ASB2: variants seen among roughly 807,000 people sequenced by gnomAD.
The protein encoded by ASB2 is ankyrin repeat and SOCS box containing 2, also known as ankyrin repeat and SOCS box protein 2.
In ASB2, 58 loss-of-function variants were observed where a neutral mutation model predicts 62.4. The ratio of observed to expected loss-of-function variants is 0.93; its 90% CI spans 0.75 to 1.16. ASB2 has a LOEUF of 1.16. Ranked by LOEUF, ASB2 falls within the 50% of genes most tolerant of loss-of-function variation. The pLI is 0.00. For missense variants in ASB2, 928 were observed against 887.9 expected (o/e 1.05, Z -0.57); for synonymous variants, 386 against 385.3 (o/e 1.00, Z -0.02).
rs1038697771 is a variant in ASB2, at chr14:93,942,479, T to C, written c.1053-2807A>G. Among the ~76,000 whole-genome samples, 4 of 152,350 alleles carry C rather than the reference T, an allele frequency of 2.6e-5. No homozygotes were observed. In the East Asian group the frequency reaches 5.8e-4, roughly 22 times the overall value. ...GACCTTGGACCTCATTCCGAATCAC[T>C]GGGCTCTTGTCTTGTTCCTAGGACC... On this transcript the variant is annotated intron_variant, in intron 7 of 9. Coordinates refer to ENST00000555019, the MANE Select transcript of ASB2 (RefSeq NM_001202429.2).
chr14:93,949,565 C>T (rs947328171), intron 6 of ASB2, among the ~76,000 whole-genome samples: 1 of 152,218 alleles, frequency 6.6e-6, no homozygotes, highest in African/African-American at 2.4e-5. Flanking sequence ...TGCCTCCGGC[C>T]TGAGGGAGAG....
chr14:93,937,256 G>T (rs545635300), intron 9 of ASB2, among the ~76,000 whole-genome samples: 2 of 152,090 alleles, frequency 1.3e-5, no homozygotes, highest in Non-Finnish European at 2.9e-5. Context: ...CCAGACCTGC[G>T]GAATCAGAAG....
At chr14:93,963,149 A>C (rs2141311798) in intron 2 of ASB2, among the ~76,000 whole-genome samples, 1 of 152,298 alleles carries the variant, frequency 6.6e-6, no homozygotes. Context: ...ATGCACCATC[A>C]CCCACCTTCA....
intron 2 of ASB2, among the ~76,000 whole-genome samples, chr14:93,958,091 C>A (rs1889286796): frequency 2.0e-5 from 3 of 152,150 alleles, no homozygotes; most frequent in African/African-American, 4.8e-5. Context: ...AGGAGGGGAA[C>A]CTGCTCACCC....
chr14:93,966,454 C>G (rs1215542475), intron 1 of ASB2, among the ~76,000 whole-genome samples: 1 of 152,224 alleles, frequency 6.6e-6, no homozygotes, highest in Non-Finnish European at 1.5e-5. Context: ...CAAAATGATT[C>G]CTTTCCCCAA....
intron 2 of ASB2, among the ~76,000 whole-genome samples, chr14:93,962,379 G>T (rs1889445356): frequency 1.3e-5 from 2 of 152,276 alleles, no homozygotes; most frequent in South Asian, 4.1e-4. Context: ...TATCTAAGGG[G>T]TTTTTCTTCC....
chr14:93,937,916 G>T, intron 8 of ASB2, 65 bp from the exon 9 acceptor site: 9 of 1,494,524 alleles, frequency 6.0e-6, no homozygotes, highest in Non-Finnish European at 8.2e-6. Context: ...TGCGGCCAGG[G>T]ACGGCAGCGG....
intron 2 of ASB2, 125 bp downstream of exon 2, chr14:93,964,209 G>A: frequency 1.2e-6 from 1 of 806,582 alleles, no homozygotes; most frequent in Non-Finnish European, 2.0e-6. Context: ...AAATGTAAAT[G>A]GGAAAGGTGT....
chr14:93,960,414 T>G (rs952040877), intron 2 of ASB2, among the ~76,000 whole-genome samples: 1 of 152,242 alleles, frequency 6.6e-6, no homozygotes, highest in Non-Finnish European at 1.5e-5. Context: ...GTGGCTTGAT[T>G]TGAATTGTTT....
chr14:93,947,663 C>CT (rs1888784235), intron 6 of ASB2, 143 bp from the exon 7 acceptor site: 3 of 749,352 alleles, frequency 4.0e-6, no homozygotes, highest in Non-Finnish European at 4.3e-6. Context: ...AAGGAGGAGT[C>CT]TACCTGGGGC....
At chr14:93,952,744 A>T (rs1055208435) in intron 5 of ASB2, among the ~76,000 whole-genome samples, 1 of 152,202 alleles carries the variant, frequency 6.6e-6, no homozygotes, top group Non-Finnish European at 1.5e-5. Context: ...GCAGATGGAC[A>T]TGAGGGGTCC....
At chr14:93,956,303 G>A (rs536314194) in intron 3 of ASB2, among the ~76,000 whole-genome samples, 1 of 152,366 alleles carries the variant, frequency 6.6e-6, no homozygotes, top group South Asian at 2.1e-4. Context: ...AACAAAGGCT[G>A]TGGGTGTGGG....
At chr14:93,940,992 G>GGGGTTTTGCAGTCTTCATAAT (rs1417253340) in intron 7 of ASB2, among the ~76,000 whole-genome samples, 1 of 152,158 alleles carries the variant, frequency 6.6e-6, no homozygotes, top group Non-Finnish European at 1.5e-5. Context: ...AATATATCCC[G>GGGGTTTTGCAGTCTTCATAAT]GGGTTTTGCA....
chr14:93,957,134 C>T (rs535591863), intron 2 of ASB2: 17 of 1,341,886 alleles, frequency 1.3e-5, no homozygotes, highest in African/African-American at 3.0e-5. Flanking sequence ...CCTCACCCCA[C>T]CCCCCGGTCC....
chr14:93,962,107 CTTTTTT>C (rs35800977), intron 2 of ASB2, among the ~76,000 whole-genome samples: 8 of 73,020 alleles, frequency 1.1e-4, no homozygotes, highest in Admixed American at 2.2e-4. Flanking sequence ...ATTAAACATT[CTTTTTT>C]TTTTTTTTTT....
intron 2 of ASB2, among the ~76,000 whole-genome samples, chr14:93,962,104 A>ATTATTTT (rs1889425579): frequency 9.3e-6 from 1 of 107,182 alleles, no homozygotes; most frequent in Admixed American, 1.0e-4. Context: ...TTCATTAAAC[A>ATTATTTT]TTCTTTTTTT....
chr14:93,959,342 G>A (rs1483287581), intron 2 of ASB2, among the ~76,000 whole-genome samples: 1 of 152,200 alleles, frequency 6.6e-6, no homozygotes, highest in Non-Finnish European at 1.5e-5. Context: ...CTCATTCTGG[G>A]AGCACTGAGA....
chr14:93,956,369 G>T lies in ASB2; in HGVS notation c.311+397C>A, dbSNP rs969772241. ...GGGGAAAGTGAGACTGGGACAAACA[G>T]AAGGGTGCAGCCAACTCATCAAGTT... On this transcript the variant is annotated intron_variant, in intron 3 of 9. Transcript: ENST00000555019. 8.5e-5 allele frequency among the ~76,000 whole-genome samples: 13 copies of T among 152,346 alleles called. No individual in the cohort carries two copies. The East Asian group carries it at 2.1e-3, about 25-fold the overall frequency.
rs1421593088 is a variant in ASB2 at position 93,964,420 on chromosome 14, C to T, written c.120G>A (p.Ala40=). The stretch of plus-strand genomic sequence containing the variant: ...CAGTGGTTGGGCCCCTTGTCTTGTC[C>T]GCTAGGCTCTGCTCGATGGCCATCT... ...LVQMAIEQSL[A]DKTRGPTTAE... Residue 40 remains alanine, a synonymous_variant, in exon 2 of 10, where the codon GCG becomes GCA. Coordinates refer to ENST00000555019, the MANE Select transcript of ASB2 (RefSeq NM_001202429.2). 43 of 1,535,936 alleles carry T rather than the reference C, an allele frequency of 2.8e-5. No individual in the cohort carries two copies. Among genetic ancestry groups the T allele is most frequent in the East Asian group, 1.2e-4 (5 of 40,914 alleles).
Sources: gnomAD v4.1 joint callset for allele counts (sites outside exome capture counted in the v4.1 genomes callset) on GRCh38, gnomAD v4.1.1 for gene constraint, MANE v1.5 for transcripts, NCBI Gene and HGNC (gene_info 2026-07-23, HGNC 2026-07-21) for gene names.